EMP2: variants seen among roughly 807,000 people sequenced by gnomAD.
EMP2 encodes epithelial membrane protein 2.
EMP2 carries 19 observed loss-of-function variants against 13.7 expected under a neutral mutation model. The ratio of observed to expected loss-of-function variants is 1.38; its 90% CI spans 0.97 to 2.03. The LOEUF (loss-of-function observed/expected upper bound fraction) is 2.03. EMP2 is among the 30% of genes most tolerant of loss of function. The pLI is 0.00. For synonymous variants in EMP2, 97 were observed against 84.7 expected, an observed-to-expected ratio of 1.15 and a Z score of -0.80; for missense variants, 253 against 220.7, an observed-to-expected ratio of 1.15 and a Z score of -0.93.
rs1278127893 is a variant in EMP2, at chr16:10,580,138, T to C, written c.-61+411A>G. ...GGGTACGCAGCCCAGGAGGACCCGCTGGCCCGGCCTGGCGCACCAGTCCTG... is the reference window on the plus strand; with the variant it reads ...GGGTACGCAGCCCAGGAGGACCCGCCGGCCCGGCCTGGCGCACCAGTCCTG... On this transcript the variant is annotated intron_variant, in intron 1 of 4. Coordinates refer to ENST00000359543, the MANE Select transcript of EMP2 (RefSeq NM_001424.6). The surrounding 1 kb of genome is among the most constrained non-coding windows in gnomAD (Gnocchi z 4.3). Among the ~76,000 whole-genome samples, 1 of 152,070 alleles carries C rather than the reference T, an allele frequency of 6.6e-6. No homozygotes were observed. The highest frequency in any genetic ancestry group is 1.5e-5 in the Non-Finnish European group (1 of 68,000).
At chr16:10,571,411 G>A (rs949081740) in intron 1 of EMP2, among the ~76,000 whole-genome samples, 10 of 152,046 alleles carry the variant, frequency 6.6e-5, no homozygotes, top group African/African-American at 2.2e-4. Context: ...TTAAACCCCT[G>A]TGCCCTGGCC....
At chr16:10,541,391 T>C (rs1478746483) in intron 3 of EMP2, among the ~76,000 whole-genome samples, 1 of 152,222 alleles carries the variant, frequency 6.6e-6, no homozygotes, top group Non-Finnish European at 1.5e-5. Flanking sequence ...ATGTTCTTTT[T>C]GTTTTGTTTT....
intron 1 of EMP2, among the ~76,000 whole-genome samples, chr16:10,577,113 C>T (rs58607545): frequency 0.067 from 10,155 of 152,232 alleles, 422 homozygotes; most frequent in South Asian, 0.17. Context: ...AGTCCTGGGT[C>T]GGCTGCCAAA....
chr16:10,554,554 G>A lies in EMP2; in HGVS notation c.-60-6877C>T, dbSNP rs76412402. 1.5e-3 allele frequency among the ~76,000 whole-genome samples: 234 copies of A among 152,208 alleles called. 5 individuals are homozygous for A. In the East Asian group the frequency reaches 0.042, roughly 27 times the overall value. ...ACGAAAGAACAAACAAACAGTTCCC[G>A]GGGCTGTGTGTTGGATGAAGACTGG... On this transcript the variant is annotated intron_variant, in intron 1 of 4. Coordinates refer to ENST00000359543, the MANE Select transcript of EMP2 (RefSeq NM_001424.6).
At chr16:10,549,419 G>C (rs2050765074) in intron 1 of EMP2, among the ~76,000 whole-genome samples, 1 of 152,150 alleles carries the variant, frequency 6.6e-6, no homozygotes, top group Non-Finnish European at 1.5e-5. Context: ...ACAATTAAAA[G>C]TCACACTGGG....
At chr16:10,533,236 C>T in intron 4 of EMP2, 144 bp from the exon 5 acceptor site, 13 of 802,760 alleles carry the variant, frequency 1.6e-5, no homozygotes, top group Non-Finnish European at 2.2e-5. Context: ...CAAGATTTTG[C>T]CATGTCACCC....
intron 1 of EMP2, among the ~76,000 whole-genome samples, chr16:10,561,214 A>G (rs2050868871): frequency 6.6e-6 from 1 of 152,172 alleles, no homozygotes; most frequent in Non-Finnish European, 1.5e-5. Flanking sequence ...CTGCACTGGG[A>G]CAGGAAGCAG....
At chr16:10,576,454 A>T (rs1160730729) in intron 1 of EMP2, 1 of 152,056 alleles carries the variant, frequency 6.6e-6, no homozygotes, top group South Asian at 2.1e-4. Flanking sequence ...TCTTAAGACT[A>T]TGAGCGGTCT....
In EMP2 at chr16:10,568,780, C is replaced by CTTTTTTTT. The variant is rs58406598; in HGVS notation, c.-61+11761_-61+11768dup. On this transcript the variant is annotated intron_variant, in intron 1 of 4. Transcript: ENST00000359543. ...GTGTGGATTCTTGTGCTAGGATTTTCTTTTTTTTTTTTTTTTTTTTTTTGA... is the reference window on the plus strand; with the variant it reads ...GTGTGGATTCTTGTGCTAGGATTTTCTTTTTTTTTTTTTTTTTTTTTTTTTTTTTTTGA... Among the ~76,000 whole-genome samples, 33 of 85,226 alleles carry CTTTTTTTT rather than the reference C, an allele frequency of 3.9e-4. 4 individuals carry two copies. Among genetic ancestry groups the CTTTTTTTT allele is most frequent in the Admixed American group, 8.1e-4 (5 of 6,188 alleles). The allele number at this position is 85,226 out of a possible 152,430, so 55.9% of individuals were successfully genotyped here.
Position 10,532,877 on chromosome 16 carries a change from G to T in EMP2, c.*28C>A, listed in dbSNP as rs199548010. ...GTTATCTGAATGTGGATTCTGTACTGCAGCAGAAGCAACCCAGCTCCGGAA... is the reference window on the plus strand; with the variant it reads ...GTTATCTGAATGTGGATTCTGTACTTCAGCAGAAGCAACCCAGCTCCGGAA... On this transcript the variant is annotated 3_prime_UTR_variant, in exon 5 of 5. Transcript: ENST00000359543. 3.5e-5 allele frequency: 48 copies of T among 1,372,048 alleles called. No individual in the cohort carries two copies. The highest frequency in any genetic ancestry group is 3.1e-5 in the Non-Finnish European group (32 of 1,049,036). 85.0% of individuals were successfully genotyped at this position (1,372,048 alleles called of 1,614,324 possible).
At chr16:10,555,021 T>C (rs899931785) in intron 1 of EMP2, among the ~76,000 whole-genome samples, 2 of 152,208 alleles carry the variant, frequency 1.3e-5, no homozygotes, top group African/African-American at 2.4e-5. Context: ...CTATTTGCTA[T>C]CATTGTCCAG....
chr16:10,578,484 C>T (rs1281449342), intron 1 of EMP2, among the ~76,000 whole-genome samples: 1 of 152,164 alleles, frequency 6.6e-6, no homozygotes, highest in Non-Finnish European at 1.5e-5. Context: ...CCACCAAGCC[C>T]TTTTAGCCCC....
intron 3 of EMP2, among the ~76,000 whole-genome samples, chr16:10,541,099 A>C (rs537363314): frequency 6.6e-6 from 1 of 152,074 alleles, no homozygotes; most frequent in Non-Finnish European, 1.5e-5. Context: ...AACGGAAAAA[A>C]AAAAAAGAAA....
At chr16:10,560,090 G>A (rs934846958) in intron 1 of EMP2, among the ~76,000 whole-genome samples, 9 of 152,308 alleles carry the variant, frequency 5.9e-5, no homozygotes, top group African/African-American at 2.2e-4. Flanking sequence ...TGGCACCAGA[G>A]AAACCATTAT....
intron 1 of EMP2, among the ~76,000 whole-genome samples, chr16:10,551,107 C>T (rs1269123491): frequency 6.6e-6 from 1 of 152,118 alleles, no homozygotes; most frequent in Non-Finnish European, 1.5e-5. Flanking sequence ...GTTTCATCAC[C>T]CCCAAAGTAA....
chr16:10,550,186 GCACATTTTCTTACATAACCA>G (rs1040862926), intron 1 of EMP2, among the ~76,000 whole-genome samples: 1 of 152,002 alleles, frequency 6.6e-6, no homozygotes, highest in African/African-American at 2.4e-5. Flanking sequence ...GCACCTGGTT[GCACATTTTCTTACATAACCA>G]CACTATGATG....
intron 2 of EMP2, 74 bp downstream of exon 2, chr16:10,547,466 A>G: frequency 1.3e-6 from 2 of 1,499,818 alleles, no homozygotes; most frequent in Non-Finnish European, 9.2e-7. Context: ...CAGCATGAGA[A>G]CAGACCAATA....
intron 3 of EMP2, among the ~76,000 whole-genome samples, chr16:10,541,575 A>G (rs2050699159): frequency 6.6e-6 from 1 of 152,232 alleles, no homozygotes; most frequent in African/African-American, 2.4e-5. Context: ...ACAGCCACAG[A>G]GCACAGCAAG....
chr16:10,547,693 AAG>A lies in EMP2; in HGVS notation c.-60-18_-60-17del. 1 of 1,435,058 alleles carries A rather than the reference AAG, an allele frequency of 7.0e-7. No homozygotes were observed. Among genetic ancestry groups the A allele is most frequent in the Non-Finnish European group, 9.6e-7 (1 of 1,038,680 alleles). 88.9% of individuals were successfully genotyped at this position (1,435,058 alleles called of 1,614,324 possible). A position where few individuals can be genotyped will look rare whatever the true frequency, so the allele number is the denominator to read the frequency against. On this transcript the variant is annotated splice_polypyrimidine_tract_variant and intron_variant, in intron 1 of 4. Transcript: ENST00000359543. ...GCGGGATGTGCTGAAGAGGGTAAGAAAGAGAAATTCAAAATCTGTCAATGACA... is the reference window on the plus strand; with the variant it reads ...GCGGGATGTGCTGAAGAGGGTAAGAAAGAAATTCAAAATCTGTCAATGACA...
Sources: gnomAD v4.1 joint callset for allele counts (sites outside exome capture counted in the v4.1 genomes callset) on GRCh38, gnomAD v4.1.1 for gene constraint, Gnocchi (gnomAD v3.1) non-coding constraint, MANE v1.5 for transcripts, NCBI Gene and HGNC (gene_info 2026-07-23, HGNC 2026-07-21) for gene names.